PARG: variants seen among roughly 807,000 people sequenced by gnomAD.
The protein encoded by PARG is mitochondrial poly(ADP-ribose) glycohydrolase.
PARG carries 35 observed loss-of-function variants against 113.0 expected under a neutral mutation model. The ratio of observed to expected loss-of-function variants is 0.31; its 90% CI spans 0.24 to 0.41. The LOEUF (loss-of-function observed/expected upper bound fraction) is 0.41, where lower values mean the gene tolerates loss of function less well. Among genes scored for constraint, PARG ranks in the 10% least tolerant of loss-of-function variants. PARG has a pLI of 1.00. For synonymous variants in PARG, 330 were observed against 409.9 expected (o/e 0.81, Z 2.36); for missense variants, 797 against 1,169.4 (o/e 0.68, Z 4.64).
At chr10:49,837,508 T>C (rs1361815355) in intron 15 of PARG, among the ~76,000 whole-genome samples, 1 of 152,120 alleles carries the variant, frequency 6.6e-6, no homozygotes, top group Non-Finnish European at 1.5e-5. Flanking sequence ...ATATTAAACA[T>C]TGTCTCCAAG....
chr10:49,890,530 C>A (rs3884651), intron 7 of PARG, among the ~76,000 whole-genome samples: 2 of 152,110 alleles, frequency 1.3e-5, no homozygotes, highest in African/African-American at 4.8e-5. Flanking sequence ...GGTCACTGAC[C>A]TCATGAATCT....
At chr10:49,878,702 G>A (rs1847072387) in intron 9 of PARG, among the ~76,000 whole-genome samples, 2 of 151,528 alleles carry the variant, frequency 1.3e-5, no homozygotes, top group African/African-American at 2.4e-5. Flanking sequence ...AGTGGGTTTT[G>A]TTTGTGTATC....
chr10:49,918,829 G>A (rs1837641041), intron 6 of PARG, among the ~76,000 whole-genome samples: 1 of 151,974 alleles, frequency 6.6e-6, no homozygotes, highest in Non-Finnish European at 1.5e-5. Context: ...TAAGGGAAAC[G>A]CAAAAAGGAA....
chr10:49,909,035 T>A lies in PARG; in HGVS notation c.1737+6882A>T, dbSNP rs541595982. ...CTCTAACAATATTTTTGTTCTAAAA[T>A]TTTTAATACACAAAAATACTGAGTA... On this transcript the variant is annotated intron_variant, in intron 7 of 17. Transcript: ENST00000616448. 4.1e-4 allele frequency among the ~76,000 whole-genome samples: 63 copies of A among 152,260 alleles called. 2 individuals carry two copies. The South Asian group carries it at 5.6e-3, about 14-fold the overall frequency.
At chr10:49,915,783 T>C (rs1366535383) in intron 7 of PARG, 134 bp downstream of exon 7, 4 of 601,786 alleles carry the variant, frequency 6.6e-6, no homozygotes, top group Non-Finnish European at 1.2e-5. Context: ...ACCTAAAACA[T>C]ACATATAAAA....
At chr10:49,870,662 C>A (rs1846750036) in intron 9 of PARG, among the ~76,000 whole-genome samples, 1 of 151,844 alleles carries the variant, frequency 6.6e-6, no homozygotes, top group South Asian at 2.1e-4. Flanking sequence ...AACACAAAAG[C>A]ATGCTTTTGA....
At chr10:49,862,486 T>C (rs1324024888) in intron 11 of PARG, among the ~76,000 whole-genome samples, 1 of 151,986 alleles carries the variant, frequency 6.6e-6, no homozygotes, top group East Asian at 1.9e-4. Flanking sequence ...TACTGAGAAT[T>C]GTTTGATTCC....
chr10:49,820,261 C>G lies in PARG; in HGVS notation c.2680G>C (p.Glu894Gln), dbSNP rs1290963740. ...AAGGTGAAATAAACCACATCTCGCT[C>G]AGCTGCAGCAGCTGCCAATATCTGT... The part of the protein sequence containing the change: ...LIQILAAAAA[E>Q]RDVVYFTFGD... The change falls in exon 17 of 18, where the codon GAG (glutamate) becomes CAG (glutamine). Residue 894 changes from glutamate to glutamine, a missense_variant. Transcript: ENST00000616448. 1 of 1,546,220 alleles carries G rather than the reference C, an allele frequency of 6.5e-7. No homozygotes were observed. Among genetic ancestry groups the G allele is most frequent in the Non-Finnish European group, 8.8e-7 (1 of 1,141,906 alleles).
chr10:49,918,722 C>A (rs1427991648), intron 6 of PARG, among the ~76,000 whole-genome samples: 1 of 152,166 alleles, frequency 6.6e-6, no homozygotes, highest in Non-Finnish European at 1.5e-5. Context: ...ATGTTTCCCT[C>A]TTCCTCTCTC....
In PARG at chr10:49,933,781, T is replaced by C. The variant is rs1838609982; in HGVS notation, c.667A>G (p.Thr223Ala). The change falls in exon 3 of 18, where the codon ACA (threonine) becomes GCA (alanine). Residue 223 changes from threonine to alanine, a missense_variant. Physicochemically the swap from Thr to Ala is moderately conservative, Grantham distance 58. This residue lies in a region of PARG where 284 missense variants were observed against 306.1 expected (regional missense o/e 0.93). Transcript: ENST00000616448. ...TVKLANAKQT[T>A]EDEQAREAKS... ...GCTTCTCTGGCCTGTTCATCTTCTG[T>C]AGTCTGCTTTGCATTTGCAAGCTTT... 1 of 1,613,618 alleles carries C rather than the reference T, an allele frequency of 6.2e-7. No individual in the cohort carries two copies. The highest frequency in any genetic ancestry group is 8.5e-7 in the Non-Finnish European group (1 of 1,179,548).
intron 12 of PARG, among the ~76,000 whole-genome samples, chr10:49,859,709 G>A (rs1418726242): frequency 4.9e-4 from 74 of 152,278 alleles, no homozygotes; most frequent in African/African-American, 1.7e-3. Flanking sequence ...CAATGTGTAT[G>A]TTATTGTTTA....
intron 7 of PARG, among the ~76,000 whole-genome samples, chr10:49,903,590 C>T (rs1848439692): frequency 1.3e-5 from 2 of 152,150 alleles, no homozygotes; most frequent in Admixed American, 1.3e-4. Context: ...CCTAATGTAA[C>T]AAGTACATGG....
intron 7 of PARG, among the ~76,000 whole-genome samples, chr10:49,902,262 G>A (rs1177384604): frequency 6.6e-6 from 1 of 152,124 alleles, no homozygotes; most frequent in Non-Finnish European, 1.5e-5. Flanking sequence ...GCTACTTTTG[G>A]TAACTCCAAT....
chr10:49,937,031 T>G (rs1838779981), intron 1 of PARG, among the ~76,000 whole-genome samples: 1 of 152,248 alleles, frequency 6.6e-6, no homozygotes, highest in Non-Finnish European at 1.5e-5. Context: ...CGATTTTATT[T>G]AGCTTTCTGC....
At chr10:49,900,039 C>CAAA (rs1848281233) in intron 7 of PARG, among the ~76,000 whole-genome samples, 2 of 151,284 alleles carry the variant, frequency 1.3e-5, no homozygotes, top group Non-Finnish European at 2.9e-5. Context: ...AATCGGGCTG[C>CAAA]TATACAGACA....
At chr10:49,925,361 G>C (rs1232560841) in intron 4 of PARG, among the ~76,000 whole-genome samples, 3 of 152,084 alleles carry the variant, frequency 2.0e-5, no homozygotes, top group Non-Finnish European at 4.4e-5. Flanking sequence ...CCTTTCTATT[G>C]ATTCCAGGTC....
At chr10:49,935,251 TAACTC>T (rs1329508988) in intron 1 of PARG, 109 bp from the exon 2 acceptor site, 1 of 594,026 alleles carries the variant, frequency 1.7e-6, no homozygotes, top group Admixed American at 3.2e-5. Context: ...AAAAGATTAA[TAACTC>T]AAGTATTTGC....
intron 16 of PARG, among the ~76,000 whole-genome samples, chr10:49,831,115 G>T (rs1844637796): frequency 6.6e-6 from 1 of 152,088 alleles, no homozygotes; most frequent in Non-Finnish European, 1.5e-5. Flanking sequence ...AATAGAGGGT[G>T]TCACTTCATC....
intron 15 of PARG, chr10:49,833,374 C>G (rs2132404498): frequency 6.6e-6 from 1 of 152,408 alleles, no homozygotes; most frequent in Non-Finnish European, 1.5e-5. Flanking sequence ...CCTCAGCATT[C>G]TCTCTCTCAG....
Sources: allele counts gnomAD v4.1 joint callset (sites outside exome capture counted in the v4.1 genomes callset), GRCh38; gene constraint gnomAD v4.1.1; regional missense constraint gnomAD v4.1.1; transcripts MANE v1.5; gene names NCBI Gene and HGNC (gene_info 2026-07-23, HGNC 2026-07-21).